Variants in PDZD2 observed in about 807,000 individuals in gnomAD.
PDZD2 encodes PDZ domain containing 2, also known as PDZ domain-containing protein 2.
PDZD2 carries 90 observed loss-of-function variants against 220.7 expected under a neutral mutation model. The observed-to-expected ratio is 0.41, with a 90% CI of 0.34 to 0.49. The LOEUF is 0.49. Among genes scored for constraint, PDZD2 ranks in the 20% least tolerant of loss-of-function variants. The probability of loss-of-function intolerance (pLI) is 0.28; values close to 1 mark genes in which losing one functional copy is unlikely to be tolerated. For synonymous variants in PDZD2, 1,375 were observed against 1,450.5 expected, an observed-to-expected ratio of 0.95 and a Z score of 1.18; for missense variants, 3,174 against 3,608.5, an observed-to-expected ratio of 0.88 and a Z score of 3.08.
At chr5:31,956,095 CTG>C (rs1015803143) in intron 2 of PDZD2, among the ~76,000 whole-genome samples, 3 of 151,938 alleles carry the variant, frequency 2.0e-5, no homozygotes, top group African/African-American at 7.2e-5. Context: ...TATTCTGCTG[CTG>C]TTGGATGGAA....
intron 2 of PDZD2, among the ~76,000 whole-genome samples, chr5:31,893,941 C>G (rs550901424): frequency 6.6e-6 from 1 of 151,928 alleles, no homozygotes; most frequent in South Asian, 2.1e-4. Context: ...GTAGCCCAGG[C>G]TGAAGTGCAA....
intron 1 of PDZD2, among the ~76,000 whole-genome samples, chr5:31,707,384 A>G (rs1367426979): frequency 6.6e-6 from 1 of 152,182 alleles, no homozygotes; most frequent in African/African-American, 2.4e-5. Context: ...TAGAGAAACC[A>G]GTGCTTGCTC....
intron 1 of PDZD2, among the ~76,000 whole-genome samples, chr5:31,775,016 A>C (rs1259258651): frequency 6.6e-6 from 1 of 152,212 alleles, no homozygotes; most frequent in Non-Finnish European, 1.5e-5. Flanking sequence ...ACCAGCTTGC[A>C]AACTTCCTGA....
At chr5:32,077,326 T>A in intron 18 of PDZD2, 136 bp from the exon 19 acceptor site, 3 of 786,236 alleles carry the variant, frequency 3.8e-6, no homozygotes, top group Non-Finnish European at 6.3e-6. Context: ...AAACCCACAA[T>A]CTGGATCTGC....
At chr5:31,760,654 G>A (rs1483437364) in intron 1 of PDZD2, among the ~76,000 whole-genome samples, 2 of 152,162 alleles carry the variant, frequency 1.3e-5, no homozygotes, top group Admixed American at 1.3e-4. Flanking sequence ...AGGCGTGGTG[G>A]CTTATGCCTG....
intron 10 of PDZD2, among the ~76,000 whole-genome samples, chr5:32,055,962 CA>C (rs1257105313): frequency 6.6e-6 from 1 of 152,090 alleles, no homozygotes; most frequent in African/African-American, 2.4e-5. Flanking sequence ...GAAAAAAAAT[CA>C]ATAGTTAAGA....
intron 1 of PDZD2, among the ~76,000 whole-genome samples, chr5:31,756,601 T>C (rs190082051): frequency 2.0e-5 from 3 of 152,256 alleles, no homozygotes; most frequent in Admixed American, 2.0e-4. Context: ...AGAAAGAGAA[T>C]GGATTATAGG....
intron 1 of PDZD2, among the ~76,000 whole-genome samples, chr5:31,747,491 A>T (rs1426273816): frequency 6.6e-6 from 1 of 152,118 alleles, no homozygotes; most frequent in Non-Finnish European, 1.5e-5. Flanking sequence ...TTTTCAGGTG[A>T]CAAGGTGCTG....
intron 2 of PDZD2, among the ~76,000 whole-genome samples, chr5:31,887,916 G>A (rs755482619): frequency 6.6e-5 from 10 of 152,234 alleles, no homozygotes; most frequent in Middle Eastern, 3.4e-3. Context: ...CTGCTTAGCC[G>A]AAGAGTGGCG....
intron 1 of PDZD2, among the ~76,000 whole-genome samples, chr5:31,707,912 G>C (rs1184609528): frequency 6.6e-6 from 1 of 152,192 alleles, no homozygotes; most frequent in Non-Finnish European, 1.5e-5. Context: ...ACAGGCATGA[G>C]CCACCATGCC....
intron 2 of PDZD2, among the ~76,000 whole-genome samples, chr5:31,850,225 AG>A (rs1482130762): frequency 1.2e-4 from 6 of 48,432 alleles, no homozygotes; most frequent in African/African-American, 6.5e-4. Flanking sequence ...TATATATATA[AG>A]TATATATATA....
Position 31,922,951 on chromosome 5 carries a change from A to G in PDZD2, c.477-60204A>G, listed in dbSNP as rs996970267. On this transcript the variant is annotated intron_variant, in intron 2 of 24. Coordinates refer to ENST00000438447, the MANE Select transcript of PDZD2 (RefSeq NM_178140.4). ...CACCTTGACCTCGCAAAGTGCTGGCATTATAGCCCCTGAGCCACCACGCCC... is the reference window on the plus strand; with the variant it reads ...CACCTTGACCTCGCAAAGTGCTGGCGTTATAGCCCCTGAGCCACCACGCCC... Among the ~76,000 whole-genome samples, 20 of 142,746 alleles carry G rather than the reference A, an allele frequency of 1.4e-4. 1 individual carries two copies. The highest frequency in any genetic ancestry group is 5.1e-4 in the African/African-American group (20 of 38,976). The allele number at this position is 142,746 out of a possible 152,430, so 93.6% of individuals were successfully genotyped here.
At chr5:31,865,473 C>G (rs1290858115) in intron 2 of PDZD2, among the ~76,000 whole-genome samples, 1 of 151,674 alleles carries the variant, frequency 6.6e-6, no homozygotes, top group African/African-American at 2.4e-5. Flanking sequence ...CCACCTCACC[C>G]AGCTCATTTT....
chr5:31,823,625 G>A (rs934609835), intron 2 of PDZD2, among the ~76,000 whole-genome samples: 4 of 152,166 alleles, frequency 2.6e-5, no homozygotes, highest in Admixed American at 2.0e-4. Flanking sequence ...AGCAGTCCCT[G>A]ATTGGCAACT....
intron 2 of PDZD2, among the ~76,000 whole-genome samples, chr5:31,968,084 G>A (rs567190018): frequency 6.6e-6 from 1 of 152,302 alleles, no homozygotes; most frequent in East Asian, 1.9e-4. Context: ...GAGGCCTTGG[G>A]GAGGTGATTA....
intron 2 of PDZD2, among the ~76,000 whole-genome samples, chr5:31,964,616 G>C: frequency 6.6e-6 from 1 of 152,132 alleles, no homozygotes; most frequent in Admixed American, 6.5e-5. Context: ...GCTAAGTCCT[G>C]TCCATTCCTG....
rs776715352 is a variant in PDZD2, at chr5:32,087,234, A to G, written c.3786A>G (p.Pro1262=). 1.2e-6 allele frequency: 2 copies of G among 1,614,108 alleles called. No homozygotes were observed. Among genetic ancestry groups the G allele is most frequent in the Non-Finnish European group, 8.5e-7 (1 of 1,179,950 alleles). The change falls in exon 20 of 25, where the codon CCA becomes CCG. Residue 1262 remains proline, a synonymous_variant. Coordinates refer to ENST00000438447, the MANE Select transcript of PDZD2 (RefSeq NM_178140.4). The surrounding 1 kb of genome is among the most constrained non-coding windows in gnomAD (Gnocchi z 4.0). ...TAGACACAGGGCAAGTCAGTCGGCCAGAGAATCCCAGCCAGCCTGCATCGC... is the reference window on the plus strand; with the variant it reads ...TAGACACAGGGCAAGTCAGTCGGCCGGAGAATCCCAGCCAGCCTGCATCGC... ...TSVDTGQVSR[P]ENPSQPASPR...
At position 31,850,226 on chromosome 5, in the gene PDZD2, GTA is replaced by G. The variant is rs752884909; in HGVS notation, c.476+50519_476+50520del. Among the ~76,000 whole-genome samples, 71 of 101,180 alleles carry G rather than the reference GTA, an allele frequency of 7.0e-4. 1 individual carries two copies. The highest frequency in any genetic ancestry group is 2.1e-3 in the East Asian group (9 of 4,262). The allele number at this position is 101,180 out of a possible 152,430, so 66.4% of individuals were successfully genotyped here. ...TAAGTATATATGTGTATATATATAA[GTA>G]TATATATATATATATACACACACAC... On this transcript the variant is annotated intron_variant, in intron 2 of 24. Transcript: ENST00000438447.
At chr5:32,096,829 ATTTT>A (rs71831480) in intron 21 of PDZD2, among the ~76,000 whole-genome samples, 6 of 96,830 alleles carry the variant, frequency 6.2e-5, no homozygotes, top group African/African-American at 2.1e-4. Context: ...ATGTACTATG[ATTTT>A]TTTTTTTTTT....
Sources: gnomAD v4.1 joint callset for allele counts (sites outside exome capture counted in the v4.1 genomes callset) on GRCh38, gnomAD v4.1.1 for gene constraint, Gnocchi (gnomAD v3.1) non-coding constraint, MANE v1.5 for transcripts, NCBI Gene and HGNC (gene_info 2026-07-23, HGNC 2026-07-21) for gene names.